Variants in GALNTL6 observed in about 807,000 individuals in gnomAD.
The protein encoded by GALNTL6 is polypeptide N-acetylgalactosaminyltransferase like 6, also known as polypeptide N-acetylgalactosaminyltransferase-like 6.
A neutral mutation model predicts 73.7 loss-of-function variants in GALNTL6; 46 were observed. The ratio of observed to expected loss-of-function variants is 0.62; its 90% CI spans 0.49 to 0.80. The LOEUF (loss-of-function observed/expected upper bound fraction) is 0.80. GALNTL6 is among the 30% of genes least tolerant of loss of function. The probability of loss-of-function intolerance (pLI) is 0.00; values close to 1 mark genes in which losing one functional copy is unlikely to be tolerated. For synonymous variants in GALNTL6, 259 were observed against 263.7 expected, an observed-to-expected ratio of 0.98 and a Z score of 0.17; for missense variants, 604 against 755.0, an observed-to-expected ratio of 0.80 and a Z score of 2.34.
At chr4:172,187,602 C>T (rs1463824254) in intron 2 of GALNTL6, among the ~76,000 whole-genome samples, 1 of 152,050 alleles carries the variant, frequency 6.6e-6, no homozygotes, top group Admixed American at 6.6e-5. Flanking sequence ...TTTGCAGTGA[C>T]AATTTCAAAT....
chr4:172,366,724 A>G (rs952350424), intron 5 of GALNTL6, among the ~76,000 whole-genome samples: 1 of 152,136 alleles, frequency 6.6e-6, no homozygotes, highest in Non-Finnish European at 1.5e-5. Context: ...TTTTTCTCTT[A>G]CAATTAAATT....
intron 5 of GALNTL6, among the ~76,000 whole-genome samples, chr4:172,629,100 T>G (rs1739282560): frequency 6.6e-6 from 1 of 152,158 alleles, no homozygotes; most frequent in Non-Finnish European, 1.5e-5. Context: ...TGTACAGCAA[T>G]GCTGTTAGTA....
intron 2 of GALNTL6, among the ~76,000 whole-genome samples, chr4:172,175,649 C>T (rs560933423): frequency 2.6e-5 from 4 of 152,300 alleles, no homozygotes; most frequent in African/African-American, 4.8e-5. Flanking sequence ...CATTATGCTA[C>T]GTGCAACAAA....
chr4:172,986,708 TA>T (rs1751304177), intron 10 of GALNTL6, among the ~76,000 whole-genome samples: 1 of 152,234 alleles, frequency 6.6e-6, no homozygotes, highest in South Asian at 2.1e-4. Flanking sequence ...AGATTTTTAA[TA>T]AGAGATATTT....
chr4:172,986,138 C>T (rs535918750), intron 10 of GALNTL6, among the ~76,000 whole-genome samples: 2 of 152,344 alleles, frequency 1.3e-5, no homozygotes, highest in South Asian at 4.1e-4. Flanking sequence ...ATTTCTTTCA[C>T]TGTCATAATT....
chr4:172,594,212 G>T lies in GALNTL6; in HGVS notation c.554-215149G>T, dbSNP rs183062721. 6.8e-4 allele frequency among the ~76,000 whole-genome samples: 103 copies of T among 152,150 alleles called. 1 individual carries two copies. The highest frequency in any genetic ancestry group is 2.5e-3 in the African/African-American group (103 of 41,500). On this transcript the variant is annotated intron_variant, in intron 5 of 12. Transcript: ENST00000506823. ...ATACAAAAAATTAGCCAGGCCTAGT[G>T]GTGGGCGCCTGAAATCCCAGCTACT...
At chr4:172,203,935 G>A (rs998774863) in intron 2 of GALNTL6, among the ~76,000 whole-genome samples, 2 of 151,802 alleles carry the variant, frequency 1.3e-5, no homozygotes, top group South Asian at 2.1e-4. Context: ...TAGTAGAGAC[G>A]GTGTTTCTCC....
At chr4:171,888,014 T>C (rs1736652259) in intron 2 of GALNTL6, among the ~76,000 whole-genome samples, 1 of 87,252 alleles carries the variant, frequency 1.1e-5, no homozygotes, top group Non-Finnish European at 2.8e-5. Context: ...TGTTTAGTCT[T>C]TTTGTTTATT....
chr4:172,061,720 G>C (rs1731205276), intron 2 of GALNTL6, among the ~76,000 whole-genome samples: 1 of 151,412 alleles, frequency 6.6e-6, no homozygotes. Flanking sequence ...TAATAAATAA[G>C]CTCCATGATT....
chr4:172,465,233 T>C (rs1194581292), intron 5 of GALNTL6, among the ~76,000 whole-genome samples: 1 of 152,146 alleles, frequency 6.6e-6, no homozygotes, highest in East Asian at 1.9e-4. Flanking sequence ...ATCCCAGCAC[T>C]TGGGGAGGCC....
intron 5 of GALNTL6, among the ~76,000 whole-genome samples, chr4:172,553,376 A>G (rs2110906552): frequency 6.6e-6 from 1 of 152,318 alleles, no homozygotes; most frequent in East Asian, 1.9e-4. Context: ...TGTTGCAAGT[A>G]AACTGGATGA....
chr4:172,322,450 G>A (rs1195798656), intron 4 of GALNTL6, among the ~76,000 whole-genome samples: 1 of 152,094 alleles, frequency 6.6e-6, no homozygotes, highest in Non-Finnish European at 1.5e-5. Flanking sequence ...GAATATGAAT[G>A]TATGAATTTA....
intron 5 of GALNTL6, among the ~76,000 whole-genome samples, chr4:172,705,991 A>G (rs1307053144): frequency 6.6e-6 from 1 of 151,950 alleles, no homozygotes; most frequent in Admixed American, 6.6e-5. Flanking sequence ...TGACCTTACT[A>G]TACCTGGATA....
At chr4:172,007,634 CA>C (rs1231566725) in intron 2 of GALNTL6, among the ~76,000 whole-genome samples, 1 of 152,026 alleles carries the variant, frequency 6.6e-6, no homozygotes, top group African/African-American at 2.4e-5. Context: ...TAAGTAAGAT[CA>C]TCTTTTTAGT....
At chr4:172,551,872 A>T (rs1446514110) in intron 5 of GALNTL6, among the ~76,000 whole-genome samples, 1 of 152,158 alleles carries the variant, frequency 6.6e-6, no homozygotes, top group African/African-American at 2.4e-5. Context: ...TTATGCAAAG[A>T]TAATTTAAGG....
chr4:172,480,522 C>G (rs1477426019), intron 5 of GALNTL6, among the ~76,000 whole-genome samples: 1 of 152,110 alleles, frequency 6.6e-6, no homozygotes, highest in Non-Finnish European at 1.5e-5. Context: ...AGACAAAATA[C>G]TAGGGATCAT....
intron 2 of GALNTL6, among the ~76,000 whole-genome samples, chr4:172,073,577 C>G (rs1333293188): frequency 2.0e-5 from 3 of 152,136 alleles, no homozygotes; most frequent in Non-Finnish European, 2.9e-5. Flanking sequence ...TTACTATAAA[C>G]ACCTCCTTCC....
intron 5 of GALNTL6, among the ~76,000 whole-genome samples, chr4:172,530,408 A>C (rs1735129640): frequency 6.6e-6 from 1 of 152,178 alleles, no homozygotes; most frequent in South Asian, 2.1e-4. Context: ...TCAAGTATTC[A>C]GATATAATCT....
chr4:172,875,074 G>A (rs1395394004), intron 7 of GALNTL6, among the ~76,000 whole-genome samples: 1 of 152,150 alleles, frequency 6.6e-6, no homozygotes, highest in African/African-American at 2.4e-5. Context: ...ACTTGTTTCT[G>A]AGGATATGGT....
Sources: gnomAD v4.1 joint callset for allele counts (sites outside exome capture counted in the v4.1 genomes callset) on GRCh38, gnomAD v4.1.1 for gene constraint, MANE v1.5 for transcripts, NCBI Gene and HGNC (gene_info 2026-07-23, HGNC 2026-07-21) for gene names.